Variants in CSMD1 observed in about 807,000 individuals in gnomAD.
CSMD1 encodes CUB and sushi domain-containing protein 1.
A neutral mutation model predicts 417.5 loss-of-function variants in CSMD1; 213 were observed. That is an observed-to-expected ratio of 0.51 (90% CI 0.46 to 0.57). The LOEUF is 0.57. Among genes scored for constraint, CSMD1 ranks in the 20% least tolerant of loss-of-function variants. The probability of loss-of-function intolerance (pLI) is 0.00; values close to 1 mark genes in which losing one functional copy is unlikely to be tolerated. For missense variants in CSMD1, 6,923 were observed against 4,529.7 expected (o/e 1.53, Z -15.17); for synonymous variants, 2,862 against 1,736.8 (o/e 1.65, Z -16.11).
At chr8:3,305,424 C>T (rs1804755821) in intron 25 of CSMD1, among the ~76,000 whole-genome samples, 1 of 151,268 alleles carries the variant, frequency 6.6e-6, no homozygotes, top group Non-Finnish European at 1.5e-5. Context: ...AAAGTGGGAG[C>T]CCTTATGAGG....
At chr8:3,168,849 T>C (rs933394674) in intron 37 of CSMD1, among the ~76,000 whole-genome samples, 6 of 152,174 alleles carry the variant, frequency 3.9e-5, no homozygotes, top group Admixed American at 1.3e-4. Context: ...CTGCAGTCTC[T>C]TCAAAGCATA....
chr8:3,262,539 GAAA>G (rs776200645), intron 26 of CSMD1, among the ~76,000 whole-genome samples: 4 of 142,064 alleles, frequency 2.8e-5, no homozygotes, highest in Non-Finnish European at 6.2e-5. Context: ...CGGGCCAAAT[GAAA>G]AAAAAAAGAA....
At chr8:4,604,816 T>C (rs1800783446) in intron 2 of CSMD1, among the ~76,000 whole-genome samples, 1 of 152,244 alleles carries the variant, frequency 6.6e-6, no homozygotes, top group African/African-American at 2.4e-5. Context: ...TGTACCTCCT[T>C]TTTTCAGCCA....
chr8:4,523,664 C>T (rs192562680), intron 2 of CSMD1, among the ~76,000 whole-genome samples: 7 of 152,226 alleles, frequency 4.6e-5, no homozygotes, highest in South Asian at 2.1e-4. Flanking sequence ...CAACTCTAAT[C>T]CAGGTCTACT....
chr8:3,409,524 G>C lies in CSMD1; in HGVS notation c.1643C>G (p.Thr548Arg), dbSNP rs749285745. 1.9e-6 allele frequency: 3 copies of C among 1,611,266 alleles called. No individual in the cohort carries two copies. The highest frequency in any genetic ancestry group is 2.5e-6 in the Non-Finnish European group (3 of 1,178,776). Reference sequence around the variant, plus strand: ...GGCCGCCGGGCATTCAAAGGTGAGTGTATCTCCATGGAGGAAACTGCTGCC... The same window carrying C: ...GGCCGCCGGGCATTCAAAGGTGAGTCTATCTCCATGGAGGAAACTGCTGCC... ...RTGSSFLHGD[T>R]LTFECPAAFE... Residue 548 changes from threonine to arginine, a missense_variant, in exon 13 of 70, where the codon ACA becomes AGA. Thr to Arg is a moderately conservative substitution (Grantham distance 71). Transcript: ENST00000635120.
At chr8:4,015,596 A>G (rs576519463) in intron 4 of CSMD1, among the ~76,000 whole-genome samples, 6 of 149,812 alleles carry the variant, frequency 4.0e-5, no homozygotes, top group South Asian at 4.4e-4. Context: ...TCTTGGCCCA[A>G]TGACTATCAT....
At position 3,535,994 on chromosome 8, in the gene CSMD1, C is replaced by A. The variant is rs182072586; in HGVS notation, c.1344+38951G>T. On this transcript the variant is annotated intron_variant, in intron 10 of 69. Transcript: ENST00000635120. The stretch of plus-strand genomic sequence containing the variant: ...AGGGCCATCCAGGGAGGGACTCTCC[C>A]AGCAACTTGAAACAAAAAGTGACCT... Among the ~76,000 whole-genome samples, 6 of 152,248 alleles carry A rather than the reference C, an allele frequency of 3.9e-5. No homozygotes were observed. In the South Asian group the frequency reaches 6.2e-4, roughly 16 times the overall value.
intron 3 of CSMD1, among the ~76,000 whole-genome samples, chr8:4,210,860 G>C (rs1800265059): frequency 6.6e-6 from 1 of 152,088 alleles, no homozygotes; most frequent in African/African-American, 2.4e-5. Flanking sequence ...ATGTTTCACA[G>C]CAGTGTTGTC....
intron 1 of CSMD1, among the ~76,000 whole-genome samples, chr8:4,870,651 G>C (rs1224177984): frequency 1.3e-5 from 2 of 152,098 alleles, no homozygotes; most frequent in Admixed American, 6.5e-5. Context: ...ACGAGTGAGG[G>C]AATGGAGAAA....
intron 33 of CSMD1, among the ~76,000 whole-genome samples, chr8:3,193,434 G>C (rs764820061): frequency 2.6e-5 from 4 of 152,156 alleles, no homozygotes; most frequent in Admixed American, 1.3e-4. Flanking sequence ...CTGTGGAATT[G>C]AGACATCACA....
At chr8:3,486,221 G>A (rs988332064) in intron 11 of CSMD1, among the ~76,000 whole-genome samples, 1 of 152,096 alleles carries the variant, frequency 6.6e-6, no homozygotes, top group Non-Finnish European at 1.5e-5. Context: ...GATAACTATA[G>A]TAATACAATA....
chr8:4,164,550 G>A (rs1020245093), intron 3 of CSMD1, among the ~76,000 whole-genome samples: 1 of 152,028 alleles, frequency 6.6e-6, no homozygotes, highest in African/African-American at 2.4e-5. Flanking sequence ...TGTTGTATAA[G>A]CCACCAAGCC....
At chr8:3,433,318 G>T (rs1286794500) in intron 12 of CSMD1, among the ~76,000 whole-genome samples, 1 of 152,102 alleles carries the variant, frequency 6.6e-6, no homozygotes, top group Admixed American at 6.6e-5. Context: ...TCCTTGACAG[G>T]GACTTCCACT....
At chr8:4,922,512 T>G (rs1034660652) in intron 1 of CSMD1, among the ~76,000 whole-genome samples, 1 of 152,232 alleles carries the variant, frequency 6.6e-6, no homozygotes, top group African/African-American at 2.4e-5. Flanking sequence ...TGACTCGTTT[T>G]ACATTGCTGG....
At position 4,270,983 on chromosome 8, in the gene CSMD1, T is replaced by TA. The variant is rs1804553098; in HGVS notation, c.415+148969_415+148970insT. On this transcript the variant is annotated intron_variant, in intron 3 of 69. Coordinates refer to ENST00000635120, the MANE Select transcript of CSMD1 (RefSeq NM_033225.6). ...AACTGTCACCGCGTTCACTCTTTAC[T>TA]GAGATTGCATTTTAAATTGTTATGA... Among the ~76,000 whole-genome samples, 3 of 152,176 alleles carry TA rather than the reference T, an allele frequency of 2.0e-5. No homozygotes were observed. The South Asian group carries it at 6.2e-4, about 32-fold the overall frequency.
At chr8:3,663,008 A>G (rs899096942) in intron 7 of CSMD1, among the ~76,000 whole-genome samples, 9 of 152,138 alleles carry the variant, frequency 5.9e-5, no homozygotes, top group African/African-American at 2.2e-4. Flanking sequence ...AGTAAAATAA[A>G]TAAATAAATA....
chr8:3,200,312 T>G (rs561683085), intron 32 of CSMD1, among the ~76,000 whole-genome samples: 6 of 152,132 alleles, frequency 3.9e-5, no homozygotes, highest in African/African-American at 1.4e-4. Flanking sequence ...CCCAGCATTT[T>G]GGGAGGCTGA....
At chr8:4,953,010 G>C (rs896945562) in intron 1 of CSMD1, among the ~76,000 whole-genome samples, 2 of 152,052 alleles carry the variant, frequency 1.3e-5, no homozygotes, top group African/African-American at 2.4e-5. Context: ...TTATACTAAA[G>C]GTTTTCCACA....
intron 27 of CSMD1, among the ~76,000 whole-genome samples, chr8:3,226,689 C>T (rs1013388244): frequency 2.0e-5 from 3 of 151,484 alleles, no homozygotes; most frequent in African/African-American, 7.3e-5. Flanking sequence ...GAAGTCATTT[C>T]GGATGTAACA....
Sources: allele counts gnomAD v4.1 joint callset (sites outside exome capture counted in the v4.1 genomes callset), GRCh38; gene constraint gnomAD v4.1.1; transcripts MANE v1.5; gene names NCBI Gene and HGNC (gene_info 2026-07-23, HGNC 2026-07-21).